Variants in CLCC1 observed in about 807,000 individuals in gnomAD.
CLCC1 encodes chloride channel CLIC-like protein 1.
CLCC1 carries 39 observed loss-of-function variants against 63.3 expected under a neutral mutation model. The ratio of observed to expected loss-of-function variants is 0.62; its 90% CI spans 0.48 to 0.81. The LOEUF is 0.81. Among genes scored for constraint, CLCC1 ranks in the 30% least tolerant of loss-of-function variants. CLCC1 has a pLI of 0.00. For synonymous variants in CLCC1, 217 were observed against 239.8 expected (o/e 0.90, Z 0.88); for missense variants, 549 against 669.4 (o/e 0.82, Z 1.98).
chr1:108,949,189 TCTCA>T (rs1314425763), intron 4 of CLCC1, among the ~76,000 whole-genome samples: 1 of 152,222 alleles, frequency 6.6e-6, no homozygotes, highest in African/African-American at 2.4e-5. Context: ...CCTCCACTGA[TCTCA>T]CTGACACCCC....
At position 108,929,935 on chromosome 1, in the gene CLCC1, CA is replaced by C. The variant is rs747243496; in HGVS notation, c.*2611del. On this transcript the variant is annotated 3_prime_UTR_variant, in exon 13 of 13. Coordinates refer to ENST00000369969, the MANE Select transcript of CLCC1 (RefSeq NM_001377458.1). ...AAATTCAGGGAAAAAATCGGCAGAC[CA>C]TTAGTTACTATGGATTTATTTTTTT... 2 of 1,612,854 alleles carry C rather than the reference CA, an allele frequency of 1.2e-6. No homozygotes were observed. Among genetic ancestry groups the C allele is most frequent in the South Asian group, 2.2e-5 (2 of 91,004 alleles).
intron 3 of CLCC1, 38 bp from the exon 4 acceptor site, chr1:108,949,959 T>C: frequency 7.9e-7 from 1 of 1,273,790 alleles, no homozygotes; most frequent in Non-Finnish European, 1.1e-6. Flanking sequence ...TTCTTTATAG[T>C]TTAGTTACAA....
intron 2 of CLCC1, among the ~76,000 whole-genome samples, chr1:108,960,657 C>T (rs1403657793): frequency 6.6e-6 from 1 of 151,930 alleles, no homozygotes; most frequent in Non-Finnish European, 1.5e-5. Context: ...GACAAAATTT[C>T]TAAAGTAAAA....
chr1:108,935,023 C>A, intron 11 of CLCC1, 81 bp from the exon 12 acceptor site: 1 of 1,387,588 alleles, frequency 7.2e-7, no homozygotes, highest in South Asian at 1.4e-5. Context: ...AAGTTCCCAC[C>A]CAAATCCGTT....
chr1:108,954,512 A>AACC (rs917766793), intron 2 of CLCC1, among the ~76,000 whole-genome samples: 13 of 150,640 alleles, frequency 8.6e-5, no homozygotes, highest in South Asian at 2.1e-4. Context: ...AAACAACAAC[A>AACC]ACCACCACCA....
Position 108,932,366 on chromosome 1 carries a change from CT to C in CLCC1, c.*180del, listed in dbSNP as rs1362928025. 2 of 152,190 alleles carry C rather than the reference CT, an allele frequency of 1.3e-5. No individual in the cohort carries two copies. Among genetic ancestry groups the C allele is most frequent in the African/African-American group, 4.8e-5 (2 of 41,436 alleles). 9.4% of individuals were successfully genotyped at this position (152,190 alleles called of 1,614,324 possible). On this transcript the variant is annotated 3_prime_UTR_variant, in exon 13 of 13. Transcript: ENST00000369969. ...AAACAAGTCTTATCTCATCTCATCTCTTTTCTGATAACAAACACCCGATGTG... is the reference window on the plus strand; with the variant it reads ...AAACAAGTCTTATCTCATCTCATCTCTTTCTGATAACAAACACCCGATGTG...
chr1:108,949,991 G>T, intron 3 of CLCC1, 70 bp from the exon 4 acceptor site: 1 of 932,286 alleles, frequency 1.1e-6, no homozygotes. Flanking sequence ...GGTTAATGAA[G>T]ACTAAGATTC....
chr1:108,953,100 T>C (rs1297643025), intron 2 of CLCC1, among the ~76,000 whole-genome samples: 2 of 152,184 alleles, frequency 1.3e-5, no homozygotes, highest in African/African-American at 2.4e-5. Context: ...TCGAAGAAAG[T>C]TCTGTTGGGC....
In CLCC1 at chr1:108,929,726, G is replaced by T. The variant is rs773069843; in HGVS notation, c.*2821C>A. On this transcript the variant is annotated 3_prime_UTR_variant, in exon 13 of 13. Transcript: ENST00000369969. Reference sequence around the variant, plus strand: ...GGATCCAGATTAGATGATCAAAGATGTGCTCCACCACCTGCTACCACAAAG... The same window carrying T: ...GGATCCAGATTAGATGATCAAAGATTTGCTCCACCACCTGCTACCACAAAG... 2 of 1,613,212 alleles carry T rather than the reference G, an allele frequency of 1.2e-6. No homozygotes were observed. Among genetic ancestry groups the T allele is most frequent in the South Asian group, 2.2e-5 (2 of 91,062 alleles).
rs755267588 is a variant in CLCC1 at position 108,939,705 on chromosome 1, T to G, written c.972A>C (p.Lys324Asn). The G allele has an allele frequency of 3.7e-6, 6 of 1,614,184 alleles. No homozygotes were observed. Among genetic ancestry groups the G allele is most frequent in the South Asian group, 3.3e-5 (3 of 91,084 alleles). Residue 324 changes from lysine (K) to asparagine (N), a missense_variant, in exon 10 of 13, where the codon AAA becomes AAC. By Grantham distance (94) the Lys-to-Asn change is moderately conservative. Coordinates refer to ENST00000369969, the MANE Select transcript of CLCC1 (RefSeq NM_001377458.1). Reference protein sequence around the residue: ...HIGKGTGEFIKALMKEIPALL... With the variant: ...HIGKGTGEFINALMKEIPALL... The stretch of plus-strand genomic sequence containing the variant: ...GCGCTGGAATTTCCTTCATGAGTGC[T>G]TTAATAAATTCCCCAGTTCCTTTTC...
intron 2 of CLCC1, among the ~76,000 whole-genome samples, chr1:108,958,433 T>G (rs1281524756): frequency 6.6e-6 from 1 of 151,556 alleles, no homozygotes; most frequent in Non-Finnish European, 1.5e-5. Flanking sequence ...CCATCTGGGT[T>G]ACGACTGCTG....
intron 10 of CLCC1, among the ~76,000 whole-genome samples, chr1:108,938,283 A>C (rs951922353): frequency 1.3e-5 from 2 of 152,254 alleles, no homozygotes; most frequent in African/African-American, 4.8e-5. Flanking sequence ...AGACAAAAGC[A>C]GCAAAAGTCA....
intron 10 of CLCC1, among the ~76,000 whole-genome samples, chr1:108,937,968 A>ATT (rs1557891920): frequency 5.3e-5 from 8 of 152,284 alleles, no homozygotes; most frequent in African/African-American, 1.7e-4. Flanking sequence ...GAGATCTATG[A>ATT]GATCAAAACT....
chr1:108,962,543 C>T (rs1656789211), intron 1 of CLCC1, 74 bp from the exon 2 acceptor site: 1 of 152,176 alleles, frequency 6.6e-6, no homozygotes. Context: ...AATAAACCTA[C>T]AGCTTATGGT....
At chr1:108,942,535 T>A (rs1305413312) in intron 7 of CLCC1, among the ~76,000 whole-genome samples, 1 of 152,236 alleles carries the variant, frequency 6.6e-6, no homozygotes, top group Non-Finnish European at 1.5e-5. Context: ...TGACTCACTC[T>A]GCTAGAAAGA....
intron 4 of CLCC1, 117 bp downstream of exon 4, chr1:108,949,703 T>C: frequency 1.8e-6 from 1 of 547,348 alleles, no homozygotes; most frequent in Non-Finnish European, 3.1e-6. Flanking sequence ...AAATTTGACA[T>C]ATAAAAATCA....
In CLCC1 at chr1:108,929,743, A is replaced by G. The variant is rs770712392; in HGVS notation, c.*2804T>C. 3.1e-6 allele frequency: 5 copies of G among 1,613,274 alleles called. No individual in the cohort carries two copies. Among genetic ancestry groups the G allele is most frequent in the Non-Finnish European group, 8.5e-7 (1 of 1,179,254 alleles). Reference sequence around the variant, plus strand: ...TCAAAGATGTGCTCCACCACCTGCTACCACAAAGGGTCCGACAGTACCAGA... The same window carrying G: ...TCAAAGATGTGCTCCACCACCTGCTGCCACAAAGGGTCCGACAGTACCAGA... On this transcript the variant is annotated 3_prime_UTR_variant, in exon 13 of 13. Transcript: ENST00000369969.
chr1:108,950,164 G>T, intron 3 of CLCC1, 145 bp downstream of exon 3: 1 of 853,920 alleles, frequency 1.2e-6, no homozygotes, highest in Non-Finnish European at 1.8e-6. Flanking sequence ...AATAATTTTA[G>T]ATTAACAGTG....
At chr1:108,955,240 C>CA (rs1655731971) in intron 2 of CLCC1, among the ~76,000 whole-genome samples, 1 of 150,570 alleles carries the variant, frequency 6.6e-6, no homozygotes, top group African/African-American at 2.5e-5. Context: ...AGTAAGTTGG[C>CA]AAAAAAACAA....
Sources: allele counts gnomAD v4.1 joint callset (sites outside exome capture counted in the v4.1 genomes callset), GRCh38; gene constraint gnomAD v4.1.1; transcripts MANE v1.5; gene names NCBI Gene and HGNC (gene_info 2026-07-23, HGNC 2026-07-21).